FRMD4A: variants seen among roughly 807,000 people sequenced by gnomAD.
FRMD4A encodes the protein FERM domain containing 4A, also known as FERM domain-containing protein 4A.
A neutral mutation model predicts 129.1 loss-of-function variants in FRMD4A; 29 were observed. That is an observed-to-expected ratio of 0.22 (90% confidence interval 0.17 to 0.31). FRMD4A has a LOEUF of 0.31. Among genes scored for constraint, FRMD4A ranks in the 10% least tolerant of loss-of-function variants. FRMD4A has a pLI of 1.00. For synonymous variants in FRMD4A, 634 were observed against 571.6 expected (o/e 1.11, Z -1.56); for missense variants, 1,272 against 1,375.8 (o/e 0.92, Z 1.19).
intron 2 of FRMD4A, among the ~76,000 whole-genome samples, chr10:14,256,587 A>T (rs574085907): frequency 6.6e-6 from 1 of 152,328 alleles, no homozygotes; most frequent in Admixed American, 6.5e-5. Flanking sequence ...ATGGTCATTG[A>T]ATTGGCCCTA....
chr10:13,771,172 T>A (rs1341553869), intron 6 of FRMD4A, among the ~76,000 whole-genome samples: 1 of 152,166 alleles, frequency 6.6e-6, no homozygotes, highest in Non-Finnish European at 1.5e-5. Flanking sequence ...ACTTGTGGGC[T>A]CAAGTGATCC....
chr10:14,019,176 T>A (rs1832617312), intron 2 of FRMD4A, among the ~76,000 whole-genome samples: 1 of 151,838 alleles, frequency 6.6e-6, no homozygotes, highest in African/African-American at 2.4e-5. Flanking sequence ...GCTAATCCAA[T>A]TGATGCAGGA....
chr10:13,781,306 T>TAAAAAAAAAA (rs1253732948), intron 6 of FRMD4A, among the ~76,000 whole-genome samples: 51 of 79,094 alleles, frequency 6.4e-4, no homozygotes, highest in East Asian at 2.8e-3. Context: ...TCTTAAAAAT[T>TAAAAAAAAAA]AAAAAAAAAA....
intron 2 of FRMD4A, among the ~76,000 whole-genome samples, chr10:14,285,232 A>G (rs1265563647): frequency 1.3e-5 from 2 of 152,168 alleles, no homozygotes; most frequent in Non-Finnish European, 2.9e-5. Context: ...GCTCCAACCC[A>G]CCTTTCCTAG....
chr10:13,764,013 G>A (rs2092179611), intron 6 of FRMD4A, among the ~76,000 whole-genome samples: 1 of 152,056 alleles, frequency 6.6e-6, no homozygotes, highest in African/African-American at 2.4e-5. Context: ...ATGATTACAG[G>A]CATGAGCCAC....
chr10:14,299,131 G>C (rs1846102660), intron 2 of FRMD4A, among the ~76,000 whole-genome samples: 1 of 152,180 alleles, frequency 6.6e-6, no homozygotes, highest in African/African-American at 2.4e-5. Context: ...CTTTCAGAAG[G>C]CTACCCCAGT....
chr10:13,852,836 G>A (rs568817960), intron 3 of FRMD4A, among the ~76,000 whole-genome samples: 3 of 152,090 alleles, frequency 2.0e-5, no homozygotes, highest in Admixed American at 6.5e-5. Context: ...ACTGTACCAC[G>A]AGGTGCAGCT....
chr10:14,005,035 T>G (rs1365535057), intron 2 of FRMD4A, among the ~76,000 whole-genome samples: 2 of 152,124 alleles, frequency 1.3e-5, no homozygotes, highest in East Asian at 3.9e-4. Flanking sequence ...TCTTTCTTTT[T>G]TTTTTGAGAC....
intron 2 of FRMD4A, among the ~76,000 whole-genome samples, chr10:14,125,851 A>G (rs114853781): frequency 0.022 from 3,367 of 152,264 alleles, 121 homozygotes; most frequent in African/African-American, 0.074. Flanking sequence ...ACCAGGAGGA[A>G]TGTGATTAAA....
intron 6 of FRMD4A, among the ~76,000 whole-genome samples, chr10:13,765,592 C>T (rs539231266): frequency 6.8e-4 from 103 of 152,238 alleles, no homozygotes; most frequent in Non-Finnish European, 1.0e-3. Context: ...CTTAGAAGTA[C>T]GGGTTAAAAG....
intron 15 of FRMD4A, among the ~76,000 whole-genome samples, chr10:13,681,542 A>C (rs2084589003): frequency 6.6e-6 from 1 of 151,916 alleles, no homozygotes; most frequent in African/African-American, 2.4e-5. Flanking sequence ...GGTTTGTGAA[A>C]GGCACATATA....
intron 21 of FRMD4A, among the ~76,000 whole-genome samples, chr10:13,658,654 G>A (rs568104211): frequency 1.3e-5 from 2 of 152,294 alleles, no homozygotes; most frequent in African/African-American, 4.8e-5. Flanking sequence ...GCCAAGGTGG[G>A]TGGATCACCT....
intron 2 of FRMD4A, among the ~76,000 whole-genome samples, chr10:14,138,689 G>T (rs1839671662): frequency 6.6e-6 from 1 of 151,874 alleles, no homozygotes; most frequent in Non-Finnish European, 1.5e-5. Flanking sequence ...GAACCCAGGA[G>T]GTGGAGGTTG....
At chr10:14,027,954 G>C (rs554701575) in intron 2 of FRMD4A, among the ~76,000 whole-genome samples, 2 of 152,266 alleles carry the variant, frequency 1.3e-5, no homozygotes, top group Admixed American at 1.3e-4. Context: ...GGAGTAACTG[G>C]GTACCAGGGA....
chr10:14,128,040 CTTTCCCTCTTTCTTTCTTTCTTT>C lies in FRMD4A; in HGVS notation c.45+201995_45+202017del, dbSNP rs1564319913. ...CCTTCCTTCCTTCCTTCCTTCCTTT[CTTTCCCTCTTTCTTTCTTTCTTT>C]CTTTCTTTCTTTCTTTCTTTCTTTC... On this transcript the variant is annotated intron_variant, in intron 2 of 24. Transcript: ENST00000357447. Among the ~76,000 whole-genome samples the C allele has an allele frequency of 8.1e-4, 100 of 123,716 alleles. 1 individual carries two copies. Among genetic ancestry groups the C allele is most frequent in the Middle Eastern group, 4.1e-3 (1 of 244 alleles). 81.2% of individuals were successfully genotyped at this position (123,716 alleles called of 152,430 possible).
chr10:13,996,649 G>T (rs761765776), intron 2 of FRMD4A, among the ~76,000 whole-genome samples: 27 of 127,400 alleles, frequency 2.1e-4, no homozygotes, highest in Non-Finnish European at 3.9e-4. Context: ...CACATAGAAA[G>T]CCTTCTCTGG....
intron 4 of FRMD4A, among the ~76,000 whole-genome samples, chr10:13,803,160 A>C (rs560079017): frequency 0.071 from 10,680 of 151,212 alleles, 462 homozygotes; most frequent in African/African-American, 0.12. Flanking sequence ...AAAAAAAAAA[A>C]AAAAGGGACA....
intron 14 of FRMD4A, among the ~76,000 whole-genome samples, chr10:13,698,971 C>G (rs2086512268): frequency 6.7e-6 from 1 of 148,340 alleles, no homozygotes; most frequent in Admixed American, 6.7e-5. Flanking sequence ...ACAAAAGGGA[C>G]AGCTGAAACA....
chr10:13,848,045 T>A lies in FRMD4A; in HGVS notation c.111+10802A>T, dbSNP rs187394903. ...TGCCTTTCCCCTGTAAATACAGTCG[T>A]TTGCATTTTGCAGAACTGCATTGTG... On this transcript the variant is annotated intron_variant, in intron 3 of 24. Coordinates refer to ENST00000357447, the MANE Select transcript of FRMD4A (RefSeq NM_018027.5). Among the ~76,000 whole-genome samples the A allele has an allele frequency of 6.9e-3, 1,044 of 152,256 alleles. 5 individuals carry two copies. Among genetic ancestry groups the A allele is most frequent in the Non-Finnish European group, 8.9e-3 (606 of 68,010 alleles).
Sources: gnomAD v4.1 joint callset for allele counts (sites outside exome capture counted in the v4.1 genomes callset) on GRCh38, gnomAD v4.1.1 for gene constraint, MANE v1.5 for transcripts, NCBI Gene and HGNC (gene_info 2026-07-23, HGNC 2026-07-21) for gene names.